The following RGPD3 variants were observed in gnomAD, a reference collection of about 807,000 sequenced individuals.
RGPD3 encodes the protein RANBP2 like and GRIP domain containing 3.
Under a neutral mutation model 154.5 loss-of-function variants are expected in RGPD3, and 62 were observed. The ratio of observed to expected loss-of-function variants is 0.40; its 90% confidence interval spans 0.33 to 0.50. The LOEUF (loss-of-function observed/expected upper bound fraction) is 0.50. Ranked by LOEUF, RGPD3 falls within the 20% of genes least tolerant of loss-of-function variation. The pLI is 0.59. For missense variants in RGPD3, 919 were observed against 1,716.8 expected, an observed-to-expected ratio of 0.54 and a Z score of 8.21; for synonymous variants, 308 against 607.0, an observed-to-expected ratio of 0.51 and a Z score of 7.24.
chr2:106,458,743 AAAAG>A (rs1457293888), intron 2 of RGPD3, among the ~76,000 whole-genome samples: 1 of 75,114 alleles, frequency 1.3e-5, no homozygotes, highest in Admixed American at 1.7e-4. Context: ...AAAAAAAAAA[AAAAG>A]CCTGCCTCCC....
chr2:106,460,345 TG>T (rs1345821505), intron 1 of RGPD3, among the ~76,000 whole-genome samples: 2 of 151,852 alleles, frequency 1.3e-5, no homozygotes, highest in Non-Finnish European at 2.9e-5. Context: ...AAAGCCTCTA[TG>T]GGAAAGAATA....
intron 22 of RGPD3, among the ~76,000 whole-genome samples, chr2:106,408,036 CT>C (rs1676566578): frequency 9.5e-6 from 1 of 105,810 alleles, no homozygotes; most frequent in South Asian, 3.9e-4. Context: ...AGAAAAATGA[CT>C]TTTACTTCCG....
At chr2:106,461,584 C>T (rs537072528) in intron 1 of RGPD3, among the ~76,000 whole-genome samples, 5 of 151,024 alleles carry the variant, frequency 3.3e-5, no homozygotes, top group South Asian at 2.1e-4. Context: ...CCACGGGTGA[C>T]GCAGGTAAGT....
intron 1 of RGPD3, among the ~76,000 whole-genome samples, chr2:106,467,869 ATCGAGGCCGCCGCAGGGCCAGG>A (rs1678682058): frequency 1.4e-5 from 2 of 140,040 alleles, no homozygotes; most frequent in African/African-American, 5.5e-5. Flanking sequence ...CGCCTGAGCC[ATCGAGGCCGCCGCAGGGCCAGG>A]TCGAGGCCGG....
Position 106,422,913 on chromosome 2 carries a change from C to T in RGPD3, c.4924+130G>A, listed in dbSNP as rs1158307080. On this transcript the variant is annotated intron_variant, in intron 20 of 22. Coordinates refer to ENST00000409886, the MANE Select transcript of RGPD3 (RefSeq NM_001144013.2). ...AACTTATTAAGGGAGAAAAAAATTG[C>T]TCAAATATTTTAGGGGTGTTCACAA... is the stretch of plus-strand genomic sequence containing the variant. 20 of 1,578,932 alleles carry T rather than the reference C, an allele frequency of 1.3e-5. No individual in the cohort carries two copies. The East Asian group carries it at 3.6e-4, about 28-fold the overall frequency.
At chr2:106,430,124 T>C (rs1367087048) in intron 17 of RGPD3, among the ~76,000 whole-genome samples, 1 of 149,684 alleles carries the variant, frequency 6.7e-6, no homozygotes, top group African/African-American at 2.4e-5. Context: ...CCTCAAGTGA[T>C]CCACCACCTC....
rs572613572 is a variant in RGPD3 at position 106,464,519 on chromosome 2, G to A, written c.72+3698C>T. ...CCTAAGTACTCAGGAAACAGAGGTA[G>A]GAGGATCATTTATGCCCAAAAATTT... On this transcript the variant is annotated intron_variant, in intron 1 of 22. Transcript: ENST00000409886. 5.5e-3 allele frequency among the ~76,000 whole-genome samples: 826 copies of A among 151,360 alleles called. 7 individuals carry two copies. Among genetic ancestry groups the A allele is most frequent in the African/African-American group, 0.018 (755 of 41,160 alleles).
chr2:106,465,851 T>C (rs1409128235), intron 1 of RGPD3, among the ~76,000 whole-genome samples: 4 of 151,430 alleles, frequency 2.6e-5, no homozygotes, highest in Non-Finnish European at 4.4e-5. Flanking sequence ...AAACACCTCA[T>C]ACTCAAAACA....
intron 22 of RGPD3, among the ~76,000 whole-genome samples, chr2:106,410,566 T>C (rs1309512304): frequency 6.6e-6 from 1 of 152,174 alleles, no homozygotes; most frequent in Admixed American, 6.5e-5. Flanking sequence ...CTGAGTATTT[T>C]GAGATAATAT....
At position 106,424,933 on chromosome 2, in the gene RGPD3, C is replaced by T; in HGVS notation, c.3034G>A (p.Ala1012Thr). The T allele has an allele frequency of 6.2e-7, 1 of 1,611,806 alleles. No homozygotes were observed. The highest frequency in any genetic ancestry group is 1.1e-5 in the South Asian group (1 of 90,978). The change falls in exon 20 of 23, where the codon GCC becomes ACC. Residue 1012 changes from alanine (A) to threonine (T), a missense_variant. By Grantham distance (58) the Ala-to-Thr change is moderately conservative. Transcript: ENST00000409886. ...KLFSSQYGKM[A>T]NKANTSGDFE... ...TCACCGGAAGTGTTTGCTTTATTGG[C>T]CATTTTACCGTATTGTGATGAGAAT...
chr2:106,446,371 T>C (rs1464466256), intron 7 of RGPD3, among the ~76,000 whole-genome samples: 2 of 150,640 alleles, frequency 1.3e-5, no homozygotes, highest in African/African-American at 2.4e-5. Context: ...ATTGAGACCA[T>C]CCTGGCTAAC....
Position 106,405,163 on chromosome 2 carries a change from C to A in RGPD3, c.*56G>T. ...AAAAACATTCCTTCCATCAACCTAT[C>A]GAAGTCCAAACCAACTACGAAGATA... On this transcript the variant is annotated 3_prime_UTR_variant, in exon 23 of 23. Coordinates refer to ENST00000409886, the MANE Select transcript of RGPD3 (RefSeq NM_001144013.2). 3 of 1,605,912 alleles carry A rather than the reference C, an allele frequency of 1.9e-6. No homozygotes were observed. Among genetic ancestry groups the A allele is most frequent in the South Asian group, 2.2e-5 (2 of 89,356 alleles).
chr2:106,458,299 CTAAGGGAT>C (rs1678294762), intron 2 of RGPD3, among the ~76,000 whole-genome samples: 1 of 151,432 alleles, frequency 6.6e-6, no homozygotes, highest in Admixed American at 6.6e-5. Flanking sequence ...CAGACCTAAA[CTAAGGGAT>C]TAAAGTCTCA....
At chr2:106,427,091 G>A (rs1282500196) in intron 18 of RGPD3, among the ~76,000 whole-genome samples, 10 of 151,168 alleles carry the variant, frequency 6.6e-5, no homozygotes, top group African/African-American at 2.2e-4. Context: ...TTAGTCTGAA[G>A]TTTAAGTAGG....
At chr2:106,467,430 CGCCGG>C (rs1364278390) in intron 1 of RGPD3, among the ~76,000 whole-genome samples, 31 of 103,400 alleles carry the variant, frequency 3.0e-4, no homozygotes, top group East Asian at 3.4e-4. Flanking sequence ...TCGAGGCCGC[CGCCGG>C]GCCGGGTCGA....
At chr2:106,421,569 C>A (rs553113404) in intron 20 of RGPD3, among the ~76,000 whole-genome samples, 3 of 150,778 alleles carry the variant, frequency 2.0e-5, no homozygotes, top group Non-Finnish European at 4.5e-5. Context: ...TTCAACAGAT[C>A]CCACTTCTTG....
intron 6 of RGPD3, among the ~76,000 whole-genome samples, chr2:106,448,687 G>C (rs1161351256): frequency 6.6e-6 from 1 of 151,084 alleles, no homozygotes; most frequent in African/African-American, 2.4e-5. Flanking sequence ...ATGTAGAGCT[G>C]AGTTTTTTTG....
At chr2:106,451,508 A>C (rs1446149599) in intron 6 of RGPD3, among the ~76,000 whole-genome samples, 1 of 151,036 alleles carries the variant, frequency 6.6e-6, no homozygotes, top group East Asian at 1.9e-4. Flanking sequence ...ACTCAACTCC[A>C]ATCTTATAGT....
chr2:106,448,109 T>C (rs1677989406), intron 6 of RGPD3, among the ~76,000 whole-genome samples: 1 of 99,270 alleles, frequency 1.0e-5, no homozygotes, highest in South Asian at 3.2e-4. Context: ...ATAAATTGTC[T>C]TTTTTTTTTT....
Sources: gnomAD v4.1 joint callset for allele counts (sites outside exome capture counted in the v4.1 genomes callset) on GRCh38, gnomAD v4.1.1 for gene constraint, MANE v1.5 for transcripts, NCBI Gene and HGNC (gene_info 2026-07-23, HGNC 2026-07-21) for gene names.